PTPRK: variants seen among roughly 807,000 people sequenced by gnomAD.
PTPRK encodes the protein receptor-type tyrosine-protein phosphatase kappa.
A neutral mutation model predicts 178.0 loss-of-function variants in PTPRK; 75 were observed. That is an observed-to-expected ratio of 0.42 (90% confidence interval 0.35 to 0.51). The LOEUF (loss-of-function observed/expected upper bound fraction) is 0.51, where lower values mean the gene tolerates loss of function less well. Ranked by LOEUF, PTPRK falls within the 20% of genes least tolerant of loss-of-function variation. The probability of loss-of-function intolerance (pLI) is 0.02; values close to 1 mark genes in which losing one functional copy is unlikely to be tolerated. For synonymous variants in PTPRK, 637 were observed against 620.6 expected (o/e 1.03, Z -0.39); for missense variants, 1,441 against 1,797.8 (o/e 0.80, Z 3.59).
intron 6 of PTPRK, among the ~76,000 whole-genome samples, chr6:128,206,233 C>A (rs1806933596): frequency 6.6e-6 from 1 of 151,140 alleles, no homozygotes; most frequent in African/African-American, 2.4e-5. Context: ...TTTAAAGTGA[C>A]TTAAAGAGAA....
chr6:128,030,005 A>G (rs1025232228), intron 13 of PTPRK, among the ~76,000 whole-genome samples: 1 of 152,156 alleles, frequency 6.6e-6, no homozygotes, highest in Non-Finnish European at 1.5e-5. Context: ...TGGTATTAGC[A>G]TAAGTCTAAC....
intron 3 of PTPRK, among the ~76,000 whole-genome samples, chr6:128,261,068 C>G (rs1184691214): frequency 6.6e-6 from 1 of 152,096 alleles, no homozygotes; most frequent in Admixed American, 6.6e-5. Context: ...ATCTATCAAG[C>G]CTCTAAACTT....
intron 2 of PTPRK, 128 bp from the exon 3 acceptor site, chr6:128,322,438 C>T: frequency 1.2e-6 from 1 of 855,094 alleles, no homozygotes; most frequent in Non-Finnish European, 1.8e-6. Context: ...CAGAACACAG[C>T]CACAGAAATA....
At chr6:128,237,739 A>AT (rs1813553311) in intron 5 of PTPRK, among the ~76,000 whole-genome samples, 1 of 152,186 alleles carries the variant, frequency 6.6e-6, no homozygotes, top group Non-Finnish European at 1.5e-5. Flanking sequence ...CTAGGCTGTT[A>AT]TTCTACGTGA....
At chr6:128,151,419 T>A (rs970470588) in intron 7 of PTPRK, among the ~76,000 whole-genome samples, 2 of 152,012 alleles carry the variant, frequency 1.3e-5, no homozygotes, top group Non-Finnish European at 2.9e-5. Flanking sequence ...GCTTTAAACA[T>A]CTCTTTAGTA....
At chr6:128,214,618 G>C (rs559514662) in intron 6 of PTPRK, among the ~76,000 whole-genome samples, 1 of 151,636 alleles carries the variant, frequency 6.6e-6, no homozygotes, top group Admixed American at 6.6e-5. Flanking sequence ...AACTGGATAA[G>C]ACCAAGGAAG....
chr6:128,051,431 T>A lies in PTPRK; in HGVS notation c.2194+13327A>T, dbSNP rs144392928. Among the ~76,000 whole-genome samples the A allele has an allele frequency of 5.2e-3, 797 of 152,342 alleles. 7 individuals are homozygous for A. Among genetic ancestry groups the A allele is most frequent in the African/African-American group, 0.018 (749 of 41,580 alleles). ...CTATCTTTTTGCCCAGTCACTCTAA[T>A]TGAATGCTCCCTTTTCTAAACTCAA... On this transcript the variant is annotated intron_variant, in intron 13 of 29. Coordinates refer to ENST00000368226, the MANE Select transcript of PTPRK (RefSeq NM_002844.4).
chr6:127,996,805 A>G, intron 17 of PTPRK, 96 bp downstream of exon 17: 1 of 1,413,792 alleles, frequency 7.1e-7, no homozygotes. Context: ...AGATTACTTC[A>G]TAAACAGACA....
At chr6:128,174,448 A>G (rs1033399062) in intron 7 of PTPRK, among the ~76,000 whole-genome samples, 15 of 151,912 alleles carry the variant, frequency 9.9e-5, no homozygotes, top group Non-Finnish European at 1.8e-4. Flanking sequence ...AGATAAAATA[A>G]ACATAAATAA....
chr6:128,370,356 C>G (rs946119180), intron 2 of PTPRK, among the ~76,000 whole-genome samples: 1 of 152,026 alleles, frequency 6.6e-6, no homozygotes, highest in African/African-American at 2.4e-5. Context: ...CTCACAGCTA[C>G]AGAATAAACA....
At chr6:127,995,315 G>C (rs770704609) in intron 18 of PTPRK, 147 bp downstream of exon 18, 1 of 1,595,568 alleles carries the variant, frequency 6.3e-7, no homozygotes, top group South Asian at 1.1e-5. Context: ...AACAATGTCA[G>C]TAAGTACTAG....
intron 7 of PTPRK, among the ~76,000 whole-genome samples, chr6:128,095,813 T>C (rs1001267819): frequency 4.6e-5 from 7 of 152,322 alleles, no homozygotes; most frequent in African/African-American, 1.4e-4. Context: ...TATTTTATTA[T>C]ACGCTCTTAT....
intron 7 of PTPRK, among the ~76,000 whole-genome samples, chr6:128,177,322 T>TA (rs1801218766): frequency 1.3e-5 from 2 of 151,706 alleles, no homozygotes; most frequent in Non-Finnish European, 2.9e-5. Context: ...TGATATCAAA[T>TA]AAAAAACCTA....
intron 13 of PTPRK, among the ~76,000 whole-genome samples, chr6:128,054,503 A>C (rs1378488689): frequency 6.6e-6 from 1 of 152,234 alleles, no homozygotes; most frequent in Non-Finnish European, 1.5e-5. Context: ...ATATACAGTA[A>C]GAAAACATCA....
chr6:128,442,031 G>T (rs967259708), intron 1 of PTPRK, among the ~76,000 whole-genome samples: 2 of 152,166 alleles, frequency 1.3e-5, no homozygotes, highest in African/African-American at 4.8e-5. Flanking sequence ...CAGATCTCAA[G>T]TGTTAACTCC....
chr6:128,287,832 C>A (rs1474478245), intron 3 of PTPRK, among the ~76,000 whole-genome samples: 1 of 152,060 alleles, frequency 6.6e-6, no homozygotes, highest in Non-Finnish European at 1.5e-5. Context: ...CTTTAACATC[C>A]CCTTTCTATT....
intron 7 of PTPRK, among the ~76,000 whole-genome samples, chr6:128,163,593 A>G (rs1798980885): frequency 6.6e-6 from 1 of 151,462 alleles, no homozygotes; most frequent in African/African-American, 2.4e-5. Flanking sequence ...TATATTTTTT[A>G]TGCTATGGAT....
At chr6:128,487,397 C>G (rs950681262) in intron 1 of PTPRK, among the ~76,000 whole-genome samples, 2 of 151,664 alleles carry the variant, frequency 1.3e-5, no homozygotes, top group East Asian at 2.0e-4. Flanking sequence ...AAGCCTTATT[C>G]TGACTTTCTC....
chr6:128,501,526 A>G (rs1261017693), intron 1 of PTPRK, among the ~76,000 whole-genome samples: 1 of 152,222 alleles, frequency 6.6e-6, no homozygotes, highest in Non-Finnish European at 1.5e-5. Context: ...AGTTTTAGAC[A>G]CTAGGTTTTT....
Sources: gnomAD v4.1 joint callset for allele counts (sites outside exome capture counted in the v4.1 genomes callset) on GRCh38, gnomAD v4.1.1 for gene constraint, MANE v1.5 for transcripts, NCBI Gene and HGNC (gene_info 2026-07-23, HGNC 2026-07-21) for gene names.